Variants in SEC24C observed in about 807,000 individuals in gnomAD.
The protein encoded by SEC24C is protein transport protein Sec24C.
A neutral mutation model predicts 117.0 loss-of-function variants in SEC24C; 22 were observed. That is an observed-to-expected ratio of 0.19 (90% CI 0.13 to 0.27). The LOEUF is 0.27. Among genes scored for constraint, SEC24C ranks in the 10% least tolerant of loss-of-function variants. The pLI is 1.00. For synonymous variants in SEC24C, 506 were observed against 529.4 expected (o/e 0.96, Z 0.61); for missense variants, 1,155 against 1,375.1 (o/e 0.84, Z 2.53).
At chr10:73,761,894 A>G (rs546437212) in intron 6 of SEC24C, among the ~76,000 whole-genome samples, 1 of 151,844 alleles carries the variant, frequency 6.6e-6, no homozygotes, top group South Asian at 2.1e-4. Flanking sequence ...TTTCTACATC[A>G]TAGTCTGAGC....
In SEC24C at chr10:73,769,620, C is replaced by G; in HGVS notation, c.2569C>G (p.Arg857Gly). Residue 857 changes from arginine (R) to glycine (G), a missense_variant, in exon 19 of 23, where the codon CGG becomes GGG. By Grantham distance (125) the Arg-to-Gly change is moderately radical. Around this residue, in one of 2 missense-constraint regions of SEC24C, gnomAD observed 759 missense variants for 992.3 expected, o/e 0.76. Transcript: ENST00000345254. This position sits in a 1 kb window ranked among gnomAD's most constrained non-coding sequence, Gnocchi z 4.5. ...LINYMAKFAY[R>G]GVLNSPVKAV... ...ATCTTTGCTTTCCCATCCAGCATATCGGGGAGTCCTGAATAGCCCTGTGAA... is the reference window on the plus strand; with the variant it reads ...ATCTTTGCTTTCCCATCCAGCATATGGGGGAGTCCTGAATAGCCCTGTGAA... The G allele has an allele frequency of 6.2e-7, 1 of 1,613,950 alleles. No homozygotes were observed. The highest frequency in any genetic ancestry group is 2.2e-5 in the East Asian group (1 of 44,884).
intron 1 of SEC24C, among the ~76,000 whole-genome samples, chr10:73,745,072 G>A (rs1044533574): frequency 6.6e-6 from 1 of 152,170 alleles, no homozygotes; most frequent in Non-Finnish European, 1.5e-5. Flanking sequence ...ACCAGGATCA[G>A]CTCCTTTTCT....
chr10:73,750,961 G>T, intron 2 of SEC24C, 147 bp from the exon 3 acceptor site: 1 of 765,748 alleles, frequency 1.3e-6, no homozygotes, highest in Non-Finnish European at 2.1e-6. Context: ...AGCTACAGTT[G>T]TATGCTGGTA....
chr10:73,758,033 G>A (rs2082738416), intron 3 of SEC24C, among the ~76,000 whole-genome samples: 1 of 151,120 alleles, frequency 6.6e-6, no homozygotes, highest in Admixed American at 6.6e-5. Context: ...CAGGAGTTCC[G>A]AGACCAGCCC....
At chr10:73,766,316 T>A (rs1365247041) in intron 11 of SEC24C, 34 bp from the exon 12 acceptor site, 4 of 1,582,072 alleles carry the variant, frequency 2.5e-6, no homozygotes, top group Non-Finnish European at 3.4e-6. Context: ...GTGGAAAAGG[T>A]GGCAAGTCTA....
In SEC24C at chr10:73,771,222, A is replaced by G; in HGVS notation, c.*127A>G. On this transcript the variant is annotated 3_prime_UTR_variant, in exon 23 of 23. Transcript: ENST00000345254. The stretch of plus-strand genomic sequence containing the variant: ...AGTCTCTCTGGGGGGAGGGGGAGAT[A>G]TAAGGAGACACCTTCTTTCTGGGCT... 1 of 1,076,972 alleles carries G rather than the reference A, an allele frequency of 9.3e-7. No individual in the cohort carries two copies. Among genetic ancestry groups the G allele is most frequent in the African/African-American group, 1.6e-5 (1 of 63,280 alleles). The allele number at this position is 1,076,972 out of a possible 1,614,324, so 66.7% of individuals were successfully genotyped here. A position where few individuals can be genotyped will look rare whatever the true frequency, so the allele number is the denominator to read the frequency against.
At chr10:73,747,154 G>A (rs967307489) in intron 2 of SEC24C, 150 bp downstream of exon 2, 9 of 576,972 alleles carry the variant, frequency 1.6e-5, no homozygotes, top group African/African-American at 1.9e-5. Flanking sequence ...TGAGAGCCCC[G>A]TGGGCGCCCT....
At position 73,769,810 on chromosome 10, in the gene SEC24C, TGAC is replaced by T; in HGVS notation, c.2683-25_2683-23del. On this transcript the variant is annotated intron_variant, in intron 19 of 22. Transcript: ENST00000345254. The surrounding 1 kb of genome is among the most constrained non-coding windows in gnomAD (Gnocchi z 4.5). Reference sequence around the variant, plus strand: ...TTTGGGAGGGATTTCTCATGATCATTGACTTTATTTTGATAATCCCCTCAGTTG... The same window carrying T: ...TTTGGGAGGGATTTCTCATGATCATTTTTATTTTGATAATCCCCTCAGTTG... The T allele has an allele frequency of 6.2e-7, 1 of 1,612,890 alleles. No homozygotes were observed. Among genetic ancestry groups the T allele is most frequent in the Non-Finnish European group, 8.5e-7 (1 of 1,178,936 alleles).
chr10:73,768,433 C>T (rs748448991), intron 15 of SEC24C, among the ~76,000 whole-genome samples: 11 of 152,072 alleles, frequency 7.2e-5, no homozygotes, highest in Non-Finnish European at 1.2e-4. Context: ...GAAGTGAGCC[C>T]GAGAATGTGG....
In SEC24C at chr10:73,768,923, G is replaced by C. The variant is rs750765919; in HGVS notation, c.2278+17G>C. On this transcript the variant is annotated intron_variant, in intron 16 of 22. Coordinates refer to ENST00000345254, the MANE Select transcript of SEC24C (RefSeq NM_198597.3). ...CAAGCACTGGTCAGTCCTGATTGAAGAGCAGGTTGGGGGGCTAAATATGGA... is the reference window on the plus strand; with the variant it reads ...CAAGCACTGGTCAGTCCTGATTGAACAGCAGGTTGGGGGGCTAAATATGGA... 1 of 1,614,174 alleles carries C rather than the reference G, an allele frequency of 6.2e-7. No homozygotes were observed. The highest frequency in any genetic ancestry group is 8.5e-7 in the Non-Finnish European group (1 of 1,180,026).
Position 73,760,249 on chromosome 10 carries a change from G to A in SEC24C, c.713G>A (p.Gly238Glu), listed in dbSNP as rs758319166. ...CTCCTGCCTGGACAGAGTTTTGGAG[G>A]GCCCTCAGTGAGCCAGCCCAACCAT... Reference protein sequence around the residue: ...GPLLPGQSFGGPSVSQPNHVS... With the variant: ...GPLLPGQSFGEPSVSQPNHVS... Residue 238 changes from glycine to glutamate, a missense_variant, in exon 5 of 23, where the codon GGG becomes GAG. Transcript: ENST00000345254. 10 of 1,613,984 alleles carry A rather than the reference G, an allele frequency of 6.2e-6. No homozygotes were observed. The Admixed American group carries it at 1.0e-4, about 16-fold the overall frequency.
At chr10:73,758,851 T>TTG (rs111974775) in intron 3 of SEC24C, among the ~76,000 whole-genome samples, 2,312 of 150,546 alleles carry the variant, frequency 0.015, 48 homozygotes, top group East Asian at 0.053. Flanking sequence ...TAGTTGGTTT[T>TTG]TGTGTGTGTG....
intron 20 of SEC24C, 81 bp downstream of exon 20, chr10:73,770,096 T>C: frequency 7.4e-7 from 1 of 1,357,724 alleles, no homozygotes; most frequent in Non-Finnish European, 1.0e-6. Flanking sequence ...CTAGTATCAG[T>C]CAGACACTAG....
In SEC24C at chr10:73,766,184, C is replaced by G; in HGVS notation, c.1581C>G (p.Leu527=). Residue 527 remains leucine (L), a synonymous_variant, in exon 11 of 23, where the codon CTC becomes CTG. Transcript: ENST00000345254. ...TTGTTAGGCTCCTCTGTGAGGAGCT[C>G]AAGTCACTGTTAGACTTTCTACCTA... ...TGLVRLLCEE[L]KSLLDFLPRE... The G allele has an allele frequency of 6.2e-7, 1 of 1,613,258 alleles. No individual in the cohort carries two copies. Among genetic ancestry groups the G allele is most frequent in the Non-Finnish European group, 8.5e-7 (1 of 1,179,758 alleles).
rs767175073 is a variant in SEC24C at position 73,751,105 on chromosome 10, C to A, written c.173-3C>A. 1 of 1,612,828 alleles carries A rather than the reference C, an allele frequency of 6.2e-7. No individual in the cohort carries two copies. The highest frequency in any genetic ancestry group is 1.3e-5 in the African/African-American group (1 of 74,860). ...TCACTTAGTTTCTGTCCTTTACCCT[C>A]AGGTATGTCAAGAGCCCCACCTTCC... On this transcript the variant is annotated splice_region_variant and splice_polypyrimidine_tract_variant and intron_variant, in intron 2 of 22. Transcript: ENST00000345254.
intron 8 of SEC24C, 140 bp downstream of exon 8, chr10:73,764,123 T>A: frequency 8.6e-7 from 1 of 1,165,854 alleles, no homozygotes; most frequent in Non-Finnish European, 1.2e-6. Flanking sequence ...TTAGTGGCTT[T>A]CTATCCCAGG....
intron 2 of SEC24C, among the ~76,000 whole-genome samples, chr10:73,748,001 A>T (rs1041272352): frequency 6.6e-6 from 1 of 151,932 alleles, no homozygotes; most frequent in African/African-American, 2.4e-5. Context: ...ACCAGTGGCC[A>T]GGAAGGTCTT....
chr10:73,752,116 T>A (rs987726808), intron 3 of SEC24C: 1 of 150,958 alleles, frequency 6.6e-6, no homozygotes. Context: ...GAGTGCTTTT[T>A]AAAATTTTTT....
chr10:73,762,101 C>T (rs756613486), intron 6 of SEC24C: 1 of 1,289,592 alleles, frequency 7.8e-7, no homozygotes, highest in East Asian at 5.5e-5. Context: ...CTAAAAGCAA[C>T]TCAGTGAGCT....
Sources: gnomAD v4.1 joint callset for allele counts (sites outside exome capture counted in the v4.1 genomes callset) on GRCh38, gnomAD v4.1.1 for gene constraint, gnomAD v4.1.1 regional missense constraint, Gnocchi (gnomAD v3.1) non-coding constraint, MANE v1.5 for transcripts, NCBI Gene and HGNC (gene_info 2026-07-23, HGNC 2026-07-21) for gene names.